The following FGF14 variants were observed in gnomAD, a reference collection of about 807,000 sequenced individuals.
FGF14 encodes the protein fibroblast growth factor 14.
Under a neutral mutation model 25.5 loss-of-function variants are expected in FGF14, and 5 were observed. The ratio of observed to expected loss-of-function variants is 0.20; its 90% CI spans 0.10 to 0.41. The LOEUF is 0.41. Among genes scored for constraint, FGF14 ranks in the 10% least tolerant of loss-of-function variants. The pLI is 1.00. For missense variants in FGF14, 222 were observed against 320.1 expected (o/e 0.69, Z 2.34); for synonymous variants, 138 against 118.3 (o/e 1.17, Z -1.08).
chr13:102,201,535 A>AAACATCTCCAGGGCAGATAATG (rs2049651006), intron 1 of FGF14, among the ~76,000 whole-genome samples: 3 of 152,206 alleles, frequency 2.0e-5, no homozygotes, highest in Non-Finnish European at 4.4e-5. Flanking sequence ...TGTTTCACTG[A>AAACATCTCCAGGGCAGATAATG]AAATCGTCTC....
chr13:102,279,601 C>T (rs1053362799), intron 1 of FGF14, among the ~76,000 whole-genome samples: 3 of 152,028 alleles, frequency 2.0e-5, no homozygotes, highest in Non-Finnish European at 4.4e-5. Flanking sequence ...TGCCAGGCAC[C>T]GTTCTAAGCA....
chr13:101,914,498 C>G (rs754799604), intron 1 of FGF14, among the ~76,000 whole-genome samples: 9 of 151,984 alleles, frequency 5.9e-5, no homozygotes, highest in Non-Finnish European at 1.2e-4. Flanking sequence ...ATTTTTCTTA[C>G]AGAACATTGA....
At chr13:102,300,263 G>T (rs1594777911) in intron 1 of FGF14, 1 of 152,062 alleles carries the variant, frequency 6.6e-6, no homozygotes, top group East Asian at 1.9e-4. Flanking sequence ...CAACCTTCTT[G>T]TTGCTTCCTC....
chr13:101,930,006 C>T (rs1231586479), intron 1 of FGF14, among the ~76,000 whole-genome samples: 1 of 152,228 alleles, frequency 6.6e-6, no homozygotes, highest in Non-Finnish European at 1.5e-5. Flanking sequence ...TGGATATCCA[C>T]TAGCTGATTA....
chr13:102,010,712 G>A (rs551283074), intron 1 of FGF14, among the ~76,000 whole-genome samples: 41 of 152,194 alleles, frequency 2.7e-4, no homozygotes, highest in African/African-American at 9.6e-4. Flanking sequence ...CAGCTTTCTC[G>A]TCTGTGAAAT....
intron 1 of FGF14, among the ~76,000 whole-genome samples, chr13:102,000,686 T>A (rs11840896): frequency 6.6e-6 from 1 of 152,188 alleles, no homozygotes; most frequent in Non-Finnish European, 1.5e-5. Context: ...GGCTTTTTGG[T>A]CACCCTCAGT....
chr13:102,360,266 G>C (rs1428856102), intron 1 of FGF14, among the ~76,000 whole-genome samples: 1 of 152,138 alleles, frequency 6.6e-6, no homozygotes, highest in African/African-American at 2.4e-5. Flanking sequence ...CTATGGCATA[G>C]CATACAATTT....
chr13:101,771,068 A>G (rs1027477396), intron 3 of FGF14, among the ~76,000 whole-genome samples: 2 of 152,134 alleles, frequency 1.3e-5, no homozygotes, highest in African/African-American at 4.8e-5. Flanking sequence ...GAGTTAATTG[A>G]TCTAAGATAT....
intron 1 of FGF14, among the ~76,000 whole-genome samples, chr13:102,365,945 A>C (rs903596935): frequency 1.3e-5 from 2 of 152,104 alleles, no homozygotes. Context: ...GTTTGATCTA[A>C]ACAATGTTCT....
intron 1 of FGF14, among the ~76,000 whole-genome samples, chr13:101,927,322 G>C (rs937288605): frequency 5.3e-5 from 8 of 152,172 alleles, no homozygotes; most frequent in African/African-American, 1.9e-4. Flanking sequence ...GACAGGGAGG[G>C]ATAAACTGTC....
intron 3 of FGF14, among the ~76,000 whole-genome samples, chr13:101,812,690 TTTGCTG>T (rs1426309830): frequency 3.2e-5 from 4 of 123,692 alleles, no homozygotes; most frequent in African/African-American, 1.2e-4. Flanking sequence ...TTTACGGAGT[TTTGCTG>T]TTGTCACCAA....
chr13:102,192,580 C>G (rs541203590), intron 1 of FGF14, among the ~76,000 whole-genome samples: 2 of 152,268 alleles, frequency 1.3e-5, no homozygotes, highest in East Asian at 3.9e-4. Flanking sequence ...ACAGGAGGAA[C>G]CAAGCCACTC....
intron 1 of FGF14, among the ~76,000 whole-genome samples, chr13:102,061,758 G>A (rs1260913185): frequency 6.6e-6 from 1 of 152,182 alleles, no homozygotes; most frequent in Non-Finnish European, 1.5e-5. Context: ...AGTTCTGCCT[G>A]CCTCTCTCTT....
At chr13:101,997,058 G>T (rs570911368) in intron 1 of FGF14, among the ~76,000 whole-genome samples, 39 of 152,308 alleles carry the variant, frequency 2.6e-4, no homozygotes, top group African/African-American at 8.9e-4. Flanking sequence ...ATTAGCAGTG[G>T]TCGCTCAGCC....
At chr13:101,944,647 A>G (rs1268630591) in intron 1 of FGF14, among the ~76,000 whole-genome samples, 1 of 152,198 alleles carries the variant, frequency 6.6e-6, no homozygotes, top group Non-Finnish European at 1.5e-5. Context: ...AATGTCCATA[A>G]AAGATGAATG....
chr13:102,349,506 A>C (rs1170293908), intron 1 of FGF14, among the ~76,000 whole-genome samples: 1 of 152,206 alleles, frequency 6.6e-6, no homozygotes, highest in East Asian at 1.9e-4. Context: ...ATGTTTTCTG[A>C]TTTGAACGTG....
chr13:102,138,022 C>T (rs958867188), intron 1 of FGF14, among the ~76,000 whole-genome samples: 2 of 150,764 alleles, frequency 1.3e-5, no homozygotes, highest in Non-Finnish European at 3.0e-5. Context: ...AGCTGAAATC[C>T]CAGTCCTAGG....
intron 1 of FGF14, among the ~76,000 whole-genome samples, chr13:102,083,221 C>T (rs2043722739): frequency 6.6e-6 from 1 of 152,176 alleles, no homozygotes; most frequent in Non-Finnish European, 1.5e-5. Flanking sequence ...TCCAAGCTTC[C>T]GTCATCTTTT....
chr13:102,397,562 C>T (rs1043309613), intron 1 of FGF14, among the ~76,000 whole-genome samples: 30 of 152,128 alleles, frequency 2.0e-4, no homozygotes, highest in Non-Finnish European at 4.3e-4. Context: ...CTGTGTTTTC[C>T]AAAATCCTAC....
Sources: allele counts gnomAD v4.1 joint callset (sites outside exome capture counted in the v4.1 genomes callset), GRCh38; gene constraint gnomAD v4.1.1; transcripts MANE v1.5; gene names NCBI Gene and HGNC (gene_info 2026-07-23, HGNC 2026-07-21).